UNC5C: variants seen among roughly 807,000 people sequenced by gnomAD.
The protein encoded by UNC5C is netrin receptor UNC5C.
UNC5C carries 47 observed loss-of-function variants against 99.8 expected under a neutral mutation model. That is an observed-to-expected ratio of 0.47 (90% CI 0.37 to 0.60). The LOEUF (loss-of-function observed/expected upper bound fraction) is 0.60, where lower values mean the gene tolerates loss of function less well. Among genes scored for constraint, UNC5C ranks in the 20% least tolerant of loss-of-function variants. The probability of loss-of-function intolerance (pLI) is 0.00; values close to 1 mark genes in which losing one functional copy is unlikely to be tolerated. For synonymous variants in UNC5C, 487 were observed against 452.2 expected, an observed-to-expected ratio of 1.08 and a Z score of -0.98; for missense variants, 1,062 against 1,165.9, an observed-to-expected ratio of 0.91 and a Z score of 1.30.
rs570304265 is a variant in UNC5C at position 95,463,099 on chromosome 4, G to T, written c.124+85635C>A. On this transcript the variant is annotated intron_variant, in intron 1 of 15. Coordinates refer to ENST00000453304, the MANE Select transcript of UNC5C (RefSeq NM_003728.4). ...TGCTCTCTCCACTAACTAAACACCG[G>T]GCTTTCATGTTGGAGAAAAACCAGG... 3.2e-4 allele frequency among the ~76,000 whole-genome samples: 49 copies of T among 152,216 alleles called. 1 individual carries two copies. Among genetic ancestry groups the T allele is most frequent in the African/African-American group, 1.2e-3 (49 of 41,520 alleles).
chr4:95,482,573 T>G (rs1353119682), intron 1 of UNC5C, among the ~76,000 whole-genome samples: 19 of 140,566 alleles, frequency 1.4e-4, no homozygotes, highest in African/African-American at 2.4e-4. Context: ...TGTTTATTGC[T>G]GCACTATTCA....
At chr4:95,425,386 A>G (rs1040576253) in intron 1 of UNC5C, among the ~76,000 whole-genome samples, 1 of 152,226 alleles carries the variant, frequency 6.6e-6, no homozygotes, top group Admixed American at 6.5e-5. Flanking sequence ...CAGTGGCGCG[A>G]TCTCGGCTCA....
At chr4:95,516,144 T>C (rs749007359) in intron 1 of UNC5C, among the ~76,000 whole-genome samples, 12 of 152,204 alleles carry the variant, frequency 7.9e-5, no homozygotes, top group Non-Finnish European at 1.6e-4. Flanking sequence ...TGTTTACCTA[T>C]GTTTTCAGAT....
chr4:95,412,599 A>G (rs1308411373), intron 1 of UNC5C, among the ~76,000 whole-genome samples: 1 of 152,238 alleles, frequency 6.6e-6, no homozygotes, highest in Non-Finnish European at 1.5e-5. Flanking sequence ...TTGGTATGAT[A>G]TGAGAAACAG....
intron 1 of UNC5C, among the ~76,000 whole-genome samples, chr4:95,338,409 CTTTAA>C (rs375815174): frequency 2.0e-5 from 3 of 152,068 alleles, no homozygotes; most frequent in Non-Finnish European, 2.9e-5. Flanking sequence ...TAGATGAAAA[CTTTAA>C]TTTAAACATC....
At chr4:95,473,393 A>G (rs112607474) in intron 1 of UNC5C, among the ~76,000 whole-genome samples, 13 of 152,224 alleles carry the variant, frequency 8.5e-5, no homozygotes, top group African/African-American at 3.1e-4. Flanking sequence ...TAGTTAAGCA[A>G]TCTGTTCTCT....
intron 4 of UNC5C, among the ~76,000 whole-genome samples, chr4:95,266,283 G>A (rs1345965877): frequency 6.6e-6 from 1 of 152,244 alleles, no homozygotes; most frequent in East Asian, 1.9e-4. Context: ...TTTCTACATG[G>A]GGACCAATTC....
chr4:95,485,137 C>T (rs1721285046), intron 1 of UNC5C, among the ~76,000 whole-genome samples: 1 of 151,632 alleles, frequency 6.6e-6, no homozygotes, highest in African/African-American at 2.4e-5. Flanking sequence ...ATATAAATTT[C>T]CATATAGTGG....
At chr4:95,292,198 CATATATATACATATAT>C in intron 3 of UNC5C, among the ~76,000 whole-genome samples, 1 of 120,818 alleles carries the variant, frequency 8.3e-6, no homozygotes, top group Non-Finnish European at 1.8e-5. Flanking sequence ...TATATATACA[CATATATATACATATAT>C]ATACACACAC....
At chr4:95,308,034 G>T (rs1742123521) in intron 2 of UNC5C, among the ~76,000 whole-genome samples, 1 of 152,180 alleles carries the variant, frequency 6.6e-6, no homozygotes, top group Non-Finnish European at 1.5e-5. Flanking sequence ...AAAGTTGAAA[G>T]TTTTTCCTCT....
chr4:95,382,926 C>A (rs1745111009), intron 1 of UNC5C, among the ~76,000 whole-genome samples: 1 of 152,160 alleles, frequency 6.6e-6, no homozygotes, highest in African/African-American at 2.4e-5. Context: ...CAGCATTGGG[C>A]TATCAGTCTT....
At chr4:95,464,449 T>A (rs1468289026) in intron 1 of UNC5C, among the ~76,000 whole-genome samples, 2 of 152,200 alleles carry the variant, frequency 1.3e-5, no homozygotes, top group Non-Finnish European at 2.9e-5. Context: ...GGAATTGTTA[T>A]TGGATGGTAT....
intron 12 of UNC5C, among the ~76,000 whole-genome samples, chr4:95,201,382 C>G (rs1039570816): frequency 6.6e-6 from 1 of 152,164 alleles, no homozygotes; most frequent in African/African-American, 2.4e-5. Context: ...CATCATTCAG[C>G]TCCATCACAC....
intron 1 of UNC5C, among the ~76,000 whole-genome samples, chr4:95,365,496 A>T (rs1162510319): frequency 6.6e-6 from 1 of 150,530 alleles, no homozygotes; most frequent in Non-Finnish European, 1.5e-5. Context: ...ATTAAAATAT[A>T]TCACTAAAAG....
At chr4:95,284,519 C>T (rs954612743) in intron 3 of UNC5C, among the ~76,000 whole-genome samples, 1 of 152,110 alleles carries the variant, frequency 6.6e-6, no homozygotes, top group Admixed American at 6.5e-5. Flanking sequence ...ATAATATTCT[C>T]CTCAGAACGA....
intron 7 of UNC5C, among the ~76,000 whole-genome samples, chr4:95,238,858 C>T (rs1463917462): frequency 6.6e-6 from 1 of 152,102 alleles, no homozygotes; most frequent in Non-Finnish European, 1.5e-5. Context: ...TTTTAAATTT[C>T]AATCATTATG....
At chr4:95,449,270 G>C (rs1278026351) in intron 1 of UNC5C, among the ~76,000 whole-genome samples, 5 of 152,050 alleles carry the variant, frequency 3.3e-5, no homozygotes, top group Admixed American at 3.3e-4. Context: ...GTACATGCTT[G>C]GTACGCAAAA....
intron 1 of UNC5C, among the ~76,000 whole-genome samples, chr4:95,455,976 T>G (rs1005353149): frequency 6.6e-6 from 1 of 152,108 alleles, no homozygotes; most frequent in Non-Finnish European, 1.5e-5. Flanking sequence ...ACCACAAGTT[T>G]GAAAGCCAGC....
At chr4:95,387,870 GTA>G (rs1197810147) in intron 1 of UNC5C, among the ~76,000 whole-genome samples, 4 of 152,134 alleles carry the variant, frequency 2.6e-5, no homozygotes, top group African/African-American at 9.7e-5. Flanking sequence ...CTCCCCAAAA[GTA>G]TGGGAATGAT....
Sources: gnomAD v4.1 joint callset for allele counts (sites outside exome capture counted in the v4.1 genomes callset) on GRCh38, gnomAD v4.1.1 for gene constraint, MANE v1.5 for transcripts, NCBI Gene and HGNC (gene_info 2026-07-23, HGNC 2026-07-21) for gene names.